Variants in ANO10 observed in about 807,000 individuals in gnomAD.
ANO10 encodes the protein anoctamin-10.
Under a neutral mutation model 74.7 loss-of-function variants are expected in ANO10, and 77 were observed. The observed-to-expected ratio is 1.03, with a 90% CI of 0.86 to 1.25. ANO10 has a LOEUF of 1.25. ANO10 is among the 50% of genes most tolerant of loss of function. The pLI is 0.00. For missense variants in ANO10, 721 were observed against 778.1 expected (o/e 0.93, Z 0.87); for synonymous variants, 279 against 284.9 (o/e 0.98, Z 0.21).
chr3:43,619,868 CAAA>C (rs746826623), intron 1 of ANO10, among the ~76,000 whole-genome samples: 7 of 79,928 alleles, frequency 8.8e-5, no homozygotes, highest in Non-Finnish European at 1.1e-4. Flanking sequence ...AGACCTTGTC[CAAA>C]AAAAAAAAAA....
At chr3:43,591,210 C>G (rs1461939671) in intron 4 of ANO10, among the ~76,000 whole-genome samples, 3 of 152,220 alleles carry the variant, frequency 2.0e-5, no homozygotes, top group East Asian at 3.9e-4. Flanking sequence ...CTGTTCGCCG[C>G]AGTTGCAGAC....
At chr3:43,567,256 T>G (rs1013857932) in intron 7 of ANO10, among the ~76,000 whole-genome samples, 1 of 151,914 alleles carries the variant, frequency 6.6e-6, no homozygotes, top group Non-Finnish European at 1.5e-5. Flanking sequence ...TGGAAAACAC[T>G]CTGCAGGATA....
At chr3:43,467,138 C>T (rs936128105) in intron 11 of ANO10, among the ~76,000 whole-genome samples, 55 of 152,288 alleles carry the variant, frequency 3.6e-4, no homozygotes, top group Non-Finnish European at 6.6e-4. Flanking sequence ...TCAATCATTG[C>T]TGGTTGAAGT....
chr3:43,598,486 C>T (rs1184178365), intron 4 of ANO10, 46 bp downstream of exon 4: 4 of 1,592,884 alleles, frequency 2.5e-6, no homozygotes, highest in Non-Finnish European at 2.6e-6. Flanking sequence ...CTATAATTTG[C>T]TATTTATGTC....
At chr3:43,499,703 T>C (rs72865027) in intron 11 of ANO10, among the ~76,000 whole-genome samples, 22,176 of 152,090 alleles carry the variant, frequency 0.15, 2,051 homozygotes, top group African/African-American at 0.25. Context: ...GAAAGTGTTC[T>C]TATTACCTAG....
At chr3:43,394,702 G>A (rs746569243) in intron 12 of ANO10, among the ~76,000 whole-genome samples, 3 of 152,176 alleles carry the variant, frequency 2.0e-5, no homozygotes, top group East Asian at 3.9e-4. Flanking sequence ...CGCAACAGTG[G>A]TTAAGAGAAG....
intron 11 of ANO10, among the ~76,000 whole-genome samples, chr3:43,437,085 T>C (rs183571138): frequency 6.6e-6 from 1 of 152,042 alleles, no homozygotes; most frequent in East Asian, 1.9e-4. Flanking sequence ...TTGAAAAAAA[T>C]GTTATGGAAT....
intron 12 of ANO10, chr3:43,372,900 C>A: frequency 1.3e-6 from 2 of 1,510,682 alleles, no homozygotes; most frequent in South Asian, 1.2e-5. Context: ...CAGTGTAATT[C>A]CGATGAACTT....
chr3:43,419,761 C>G (rs187917416), intron 12 of ANO10, among the ~76,000 whole-genome samples: 1 of 152,222 alleles, frequency 6.6e-6, no homozygotes, highest in East Asian at 1.9e-4. Context: ...AACAATCCAC[C>G]CACCTCGGCC....
intron 7 of ANO10, among the ~76,000 whole-genome samples, chr3:43,574,601 C>T (rs1056685260): frequency 6.6e-6 from 1 of 152,114 alleles, no homozygotes; most frequent in African/African-American, 2.4e-5. Context: ...ATACTAACTC[C>T]TATATTTTGA....
At chr3:43,627,712 G>A (rs753711087) in intron 1 of ANO10, among the ~76,000 whole-genome samples, 8 of 151,912 alleles carry the variant, frequency 5.3e-5, no homozygotes, top group Non-Finnish European at 8.8e-5. Flanking sequence ...AATCTTGCTC[G>A]TTTCTTATAG....
At chr3:43,668,933 T>A (rs1559393889) in intron 1 of ANO10, among the ~76,000 whole-genome samples, 1 of 152,208 alleles carries the variant, frequency 6.6e-6, no homozygotes, top group East Asian at 1.9e-4. Flanking sequence ...TTGCATTTTA[T>A]CTTCTAAGCA....
intron 11 of ANO10, chr3:43,485,990 A>T: frequency 3.9e-6 from 1 of 256,882 alleles, no homozygotes. Flanking sequence ...TATTTCCTTG[A>T]CACATTTTGA....
intron 9 of ANO10, among the ~76,000 whole-genome samples, chr3:43,558,928 G>A (rs1170078460): frequency 6.6e-6 from 1 of 152,210 alleles, no homozygotes; most frequent in Non-Finnish European, 1.5e-5. Context: ...GAGTGGCACT[G>A]TAAACCCTAG....
intron 6 of ANO10, 96 bp downstream of exon 6, chr3:43,576,596 T>C: frequency 7.5e-7 from 1 of 1,324,924 alleles, no homozygotes; most frequent in Non-Finnish European, 1.1e-6. Context: ...GAGCAACATC[T>C]ATTTTCTCTG....
intron 12 of ANO10, among the ~76,000 whole-genome samples, chr3:43,374,217 C>T (rs1559486412): frequency 1.3e-5 from 2 of 152,180 alleles, no homozygotes; most frequent in Admixed American, 6.5e-5. Flanking sequence ...TTTCTAATTG[C>T]TCTTGTACAG....
chr3:43,408,662 A>G (rs1182209746), intron 12 of ANO10, among the ~76,000 whole-genome samples: 2 of 152,200 alleles, frequency 1.3e-5, no homozygotes, highest in African/African-American at 4.8e-5. Context: ...AGCTCCGGAT[A>G]GGATCACTCT....
At chr3:43,487,422 T>A (rs1011041134) in intron 11 of ANO10, among the ~76,000 whole-genome samples, 2 of 152,100 alleles carry the variant, frequency 1.3e-5, no homozygotes, top group African/African-American at 2.4e-5. Context: ...CAGCTGTGAA[T>A]CCATCTGGTC....
chr3:43,371,172 C>G (rs1011280207), intron 12 of ANO10, among the ~76,000 whole-genome samples: 1 of 152,310 alleles, frequency 6.6e-6, no homozygotes, highest in East Asian at 1.9e-4. Context: ...CCCTGCCCCC[C>G]GTCCCAAACC....
Sources: allele counts gnomAD v4.1 joint callset (sites outside exome capture counted in the v4.1 genomes callset), GRCh38; gene constraint gnomAD v4.1.1; transcripts MANE v1.5; gene names NCBI Gene and HGNC (gene_info 2026-07-23, HGNC 2026-07-21).